POR: variants seen among roughly 807,000 people sequenced by gnomAD.
POR encodes cytochrome p450 oxidoreductase.
In POR, 56 loss-of-function variants were observed where a neutral mutation model predicts 84.0. The observed-to-expected ratio is 0.67, with a 90% confidence interval of 0.54 to 0.83. The LOEUF is 0.83. Among genes scored for constraint, POR ranks in the 40% least tolerant of loss-of-function variants. The pLI is 0.00. For missense variants in POR, 938 were observed against 944.3 expected (o/e 0.99, Z 0.09); for synonymous variants, 414 against 400.5 (o/e 1.03, Z -0.40).
At chr7:75,957,777 G>A (rs1554553961) in intron 2 of POR, among the ~76,000 whole-genome samples, 1 of 152,190 alleles carries the variant, frequency 6.6e-6, no homozygotes, top group South Asian at 2.1e-4. Context: ...GTGGAGATAT[G>A]CAGTTTCCAG....
intron 1 of POR, among the ~76,000 whole-genome samples, chr7:75,922,319 G>A (rs1554548928): frequency 8.0e-6 from 1 of 125,660 alleles, no homozygotes; most frequent in Non-Finnish European, 1.7e-5. Flanking sequence ...CTGATCTGTA[G>A]TTTTTTTTTT....
At chr7:75,918,241 G>A (rs1806673262) in intron 1 of POR, among the ~76,000 whole-genome samples, 1 of 152,170 alleles carries the variant, frequency 6.6e-6, no homozygotes, top group Non-Finnish European at 1.5e-5. Flanking sequence ...GGGAAGCGGA[G>A]GTTGCAGTGA....
Position 75,985,989 on chromosome 7 carries a change from G to A in POR, c.1736G>A (p.Arg579Gln), listed in dbSNP as rs782357648. The A allele has an allele frequency of 3.5e-5, 55 of 1,576,806 alleles. No homozygotes were observed. Among genetic ancestry groups the A allele is most frequent in the African/African-American group, 8.1e-5 (6 of 74,286 alleles). ...CGCTCGGATGAGGACTACCTGTACCGGGAGGAGCTGGCGCAGTTCCACAGG... is the reference window on the plus strand; with the variant it reads ...CGCTCGGATGAGGACTACCTGTACCAGGAGGAGCTGGCGCAGTTCCACAGG... The change falls in exon 14 of 16, where the codon CGG (arginine) becomes CAG (glutamine). Residue 579 changes from arginine to glutamine, a missense_variant. Transcript: ENST00000461988.
At chr7:75,982,460 A>G in intron 8 of POR, 138 bp downstream of exon 8, 2 of 716,170 alleles carry the variant, frequency 2.8e-6, no homozygotes, top group Non-Finnish European at 4.8e-6. Context: ...GTGAGTGTCC[A>G]CGACCTGTCC....
At chr7:75,917,971 C>T (rs1806655777) in intron 1 of POR, among the ~76,000 whole-genome samples, 1 of 152,120 alleles carries the variant, frequency 6.6e-6, no homozygotes, top group African/African-American at 2.4e-5. Flanking sequence ...TGAGACCAGC[C>T]TGGGCAACAC....
At chr7:75,971,641 A>G (rs1021346459) in intron 2 of POR, among the ~76,000 whole-genome samples, 6 of 152,194 alleles carry the variant, frequency 3.9e-5, no homozygotes, top group Admixed American at 3.9e-4. Flanking sequence ...CTGTAGTCCC[A>G]GGAACGCAGA....
At chr7:75,942,055 C>G (rs534110573) in intron 1 of POR, among the ~76,000 whole-genome samples, 1 of 151,756 alleles carries the variant, frequency 6.6e-6, no homozygotes, top group African/African-American at 2.4e-5. Flanking sequence ...CCTGTCTCTA[C>G]AAAAAAATAT....
At chr7:75,955,559 G>A (rs1311583167) in intron 2 of POR, among the ~76,000 whole-genome samples, 1 of 152,248 alleles carries the variant, frequency 6.6e-6, no homozygotes, top group Admixed American at 6.5e-5. Flanking sequence ...GGTCTGAGCC[G>A]AGGGAACTCC....
In POR at chr7:75,936,927, T is replaced by C. The variant is rs549987596; in HGVS notation, c.-4-17062T>C. Among the ~76,000 whole-genome samples the C allele has an allele frequency of 8.7e-4, 131 of 149,838 alleles. 2 individuals carry two copies. Among genetic ancestry groups the C allele is most frequent in the South Asian group, 7.4e-3 (35 of 4,716 alleles). ...CTGCAAACTCCACCTCCCGGGTTCA[T>C]GCCATTCTCCTGCCTCAGCCTCCCA... On this transcript the variant is annotated intron_variant, in intron 1 of 15. Coordinates refer to ENST00000461988, the MANE Select transcript of POR (RefSeq NM_000941.3).
intron 1 of POR, among the ~76,000 whole-genome samples, chr7:75,941,848 GTAATAAC>G (rs1371569784): frequency 2.0e-4 from 31 of 151,996 alleles, no homozygotes; most frequent in African/African-American, 7.0e-4. Context: ...AGAAATTCGA[GTAATAAC>G]TAATAACAGT....
intron 7 of POR, 56 bp downstream of exon 7, chr7:75,981,662 C>T (rs1789054984): frequency 1.4e-6 from 2 of 1,460,748 alleles, no homozygotes; most frequent in Admixed American, 1.9e-5. Flanking sequence ...GTGCCGAGGG[C>T]AGCCACCCTG....
At chr7:75,953,615 G>GTGCA (rs1427446710) in intron 1 of POR, among the ~76,000 whole-genome samples, 2 of 152,126 alleles carry the variant, frequency 1.3e-5, no homozygotes, top group Admixed American at 1.3e-4. Flanking sequence ...CCACTCTTGC[G>GTGCA]TGCACTTCCT....
chr7:75,973,674 CT>C lies in POR; in HGVS notation c.237+1238del, dbSNP rs35274225. Among the ~76,000 whole-genome samples, 329 of 64,856 alleles carry C rather than the reference CT, an allele frequency of 5.1e-3. 1 individual carries two copies. The highest frequency in any genetic ancestry group is 0.021 in the African/African-American group (316 of 14,914). The allele number at this position is 64,856 out of a possible 152,430, so 42.5% of individuals were successfully genotyped here. On this transcript the variant is annotated intron_variant, in intron 3 of 15. Coordinates refer to ENST00000461988, the MANE Select transcript of POR (RefSeq NM_000941.3). Reference sequence around the variant, plus strand: ...ACTATGTGCACTGTTCCAGACCTTGCTTTTTTTTTTTTTTTTTTTTTTTTTG... The same window carrying C: ...ACTATGTGCACTGTTCCAGACCTTGCTTTTTTTTTTTTTTTTTTTTTTTTG...
intron 7 of POR, 60 bp from the exon 8 acceptor site, chr7:75,982,164 C>T (rs1181902588): frequency 3.0e-6 from 4 of 1,346,280 alleles, no homozygotes; most frequent in Non-Finnish European, 4.2e-6. Context: ...AGTCCAACCC[C>T]TCCCTCTCGG....
At chr7:75,981,953 C>G (rs1269636183) in intron 7 of POR, 2 of 571,038 alleles carry the variant, frequency 3.5e-6, no homozygotes, top group Non-Finnish European at 6.3e-6. Flanking sequence ...TGGGTGCTGC[C>G]CGGGCTTCCT....
chr7:75,943,577 T>C (rs1554551798), intron 1 of POR, among the ~76,000 whole-genome samples: 1 of 152,240 alleles, frequency 6.6e-6, no homozygotes, highest in Non-Finnish European at 1.5e-5. Context: ...AGGCTCCAAC[T>C]AAGCCTTTTT....
At chr7:75,934,234 G>A (rs557523000) in intron 1 of POR, among the ~76,000 whole-genome samples, 4 of 151,412 alleles carry the variant, frequency 2.6e-5, no homozygotes, top group South Asian at 2.1e-4. Flanking sequence ...ATGTGAGGCC[G>A]TGTCTTTGTC....
At chr7:75,921,713 G>A (rs567726920) in intron 1 of POR, among the ~76,000 whole-genome samples, 84 of 152,150 alleles carry the variant, frequency 5.5e-4, no homozygotes, top group African/African-American at 2.0e-3. Context: ...GGTTGATCTT[G>A]GAACCCTGCT....
chr7:75,960,957 G>T (rs1450842124), intron 2 of POR, among the ~76,000 whole-genome samples: 2 of 152,160 alleles, frequency 1.3e-5, no homozygotes, highest in African/African-American at 4.8e-5. Context: ...ATCAGGCCCA[G>T]CGTGGTGGCT....
Sources: gnomAD v4.1 joint callset for allele counts (sites outside exome capture counted in the v4.1 genomes callset) on GRCh38, gnomAD v4.1.1 for gene constraint, MANE v1.5 for transcripts, NCBI Gene and HGNC (gene_info 2026-07-23, HGNC 2026-07-21) for gene names.